KCNIP4: variants seen among roughly 807,000 people sequenced by gnomAD.
KCNIP4 encodes the protein potassium voltage-gated channel interacting protein 4, also known as Kv channel-interacting protein 4.
In KCNIP4, 12 loss-of-function variants were observed where a neutral mutation model predicts 34.0. The observed-to-expected ratio is 0.35, with a 90% CI of 0.23 to 0.57. KCNIP4 has a LOEUF of 0.57. KCNIP4 is among the 20% of genes least tolerant of loss of function. KCNIP4 has a pLI of 0.83. For synonymous variants in KCNIP4, 124 were observed against 102.2 expected (o/e 1.21, Z -1.29); for missense variants, 238 against 311.7 (o/e 0.76, Z 1.78).
chr4:21,076,167 G>T (rs536032667), intron 1 of KCNIP4, among the ~76,000 whole-genome samples: 169 of 152,232 alleles, frequency 1.1e-3, no homozygotes, highest in African/African-American at 3.9e-3. Context: ...TGTATTTCCT[G>T]AATTTGAATG....
intron 1 of KCNIP4, among the ~76,000 whole-genome samples, chr4:20,940,938 T>C (rs1185703564): frequency 1.3e-5 from 2 of 152,198 alleles, no homozygotes; most frequent in African/African-American, 2.4e-5. Flanking sequence ...CTCAACCATT[T>C]AATGCCTGAG....
intron 1 of KCNIP4, among the ~76,000 whole-genome samples, chr4:20,906,051 TCCTCCCTC>T (rs376112934): frequency 6.7e-6 from 1 of 150,220 alleles, no homozygotes; most frequent in Non-Finnish European, 1.5e-5. Context: ...CCCCTTCTCT[TCCTCCCTC>T]CCTCCCTCCC....
intron 1 of KCNIP4, among the ~76,000 whole-genome samples, chr4:20,910,840 G>GTTATGCCCCT (rs1196059812): frequency 6.6e-6 from 1 of 152,122 alleles, no homozygotes; most frequent in Non-Finnish European, 1.5e-5. Context: ...CTCTAGCCCC[G>GTTATGCCCCT]TTATGCCCCT....
At chr4:20,982,344 A>G (rs1736144436) in intron 1 of KCNIP4, among the ~76,000 whole-genome samples, 1 of 152,196 alleles carries the variant, frequency 6.6e-6, no homozygotes, top group South Asian at 2.1e-4. Context: ...TATTCCAATC[A>G]TAGAAATTGA....
intron 1 of KCNIP4, among the ~76,000 whole-genome samples, chr4:21,933,570 T>C (rs1729693611): frequency 6.6e-6 from 1 of 152,122 alleles, no homozygotes; most frequent in Non-Finnish European, 1.5e-5. Context: ...ACTCAGAATG[T>C]ATTTTTCAAG....
chr4:20,826,449 G>A lies in KCNIP4; in HGVS notation c.288+24094C>T, dbSNP rs62410691. Among the ~76,000 whole-genome samples, 1,329 of 151,760 alleles carry A rather than the reference G, an allele frequency of 8.8e-3. 10 individuals are homozygous for A. The highest frequency in any genetic ancestry group is 0.02 in the Middle Eastern group (6 of 294). ...TTTTTCCAAAATTTAGCCAGACATG[G>A]TGGCACACACCTGTAGTCCTAGCTA... On this transcript the variant is annotated intron_variant, in intron 3 of 8. Transcript: ENST00000382152.
rs748193231 is a variant in KCNIP4 at position 21,141,402 on chromosome 4, TA to T, written c.62-258694del. 8.2e-4 allele frequency among the ~76,000 whole-genome samples: 124 copies of T among 151,724 alleles called. No homozygotes were observed. The East Asian group carries it at 0.02, about 24-fold the overall frequency. ...TGTCTTTTCATAACAAGTACTAAGA[TA>T]AAAAAAAACTTATAGACATTCAATA... On this transcript the variant is annotated intron_variant, in intron 1 of 8. Transcript: ENST00000382152.
In KCNIP4 at chr4:21,614,925, G is replaced by A. The variant is rs897740426; in HGVS notation, c.61+333646C>T. On this transcript the variant is annotated intron_variant, in intron 1 of 8. Coordinates refer to ENST00000382152, the MANE Select transcript of KCNIP4 (RefSeq NM_025221.6). Reference sequence around the variant, plus strand: ...TTGGTTTTACTGCACATGTGTCACCGTCTGAAGCCATCCTGCAACTCTCAC... The same window carrying A: ...TTGGTTTTACTGCACATGTGTCACCATCTGAAGCCATCCTGCAACTCTCAC... Among the ~76,000 whole-genome samples the A allele has an allele frequency of 5.9e-5, 9 of 152,198 alleles. No homozygotes were observed. In the South Asian group the frequency reaches 6.2e-4, roughly 11 times the overall value.
chr4:20,969,946 G>GT (rs201808424), intron 1 of KCNIP4, among the ~76,000 whole-genome samples: 31,463 of 144,682 alleles, frequency 0.22, 3,617 homozygotes, highest in Middle Eastern at 0.36. Flanking sequence ...ATTATCAGCA[G>GT]TTTTTTTTTT....
intron 1 of KCNIP4, among the ~76,000 whole-genome samples, chr4:21,296,512 T>C (rs919203147): frequency 4.0e-5 from 6 of 151,414 alleles, no homozygotes; most frequent in African/African-American, 1.5e-4. Flanking sequence ...AAATACCAAC[T>C]ATATTAATCC....
intron 1 of KCNIP4, among the ~76,000 whole-genome samples, chr4:21,449,836 A>G (rs1034803842): frequency 1.6e-4 from 25 of 152,038 alleles, no homozygotes; most frequent in Admixed American, 1.4e-3. Context: ...AATTTTCCTT[A>G]CGTATATCCT....
At chr4:20,823,133 A>C (rs958169398) in intron 3 of KCNIP4, among the ~76,000 whole-genome samples, 10 of 152,290 alleles carry the variant, frequency 6.6e-5, no homozygotes, top group African/African-American at 2.2e-4. Context: ...TATAAACAAT[A>C]GAAATAAATT....
intron 1 of KCNIP4, among the ~76,000 whole-genome samples, chr4:21,415,637 G>C (rs1236685370): frequency 3.9e-5 from 6 of 152,140 alleles, no homozygotes; most frequent in Non-Finnish European, 8.8e-5. Context: ...GGGAGACAGA[G>C]GTTGTAGTGA....
chr4:21,332,990 G>A (rs73802568), intron 1 of KCNIP4, among the ~76,000 whole-genome samples: 2,194 of 151,954 alleles, frequency 0.014, 53 homozygotes, highest in African/African-American at 0.051. Flanking sequence ...TTACCAGCTC[G>A]GAGCCTTTGC....
At chr4:21,215,945 A>T (rs1757545553) in intron 1 of KCNIP4, among the ~76,000 whole-genome samples, 1 of 152,068 alleles carries the variant, frequency 6.6e-6, no homozygotes, top group African/African-American at 2.4e-5. Flanking sequence ...CCTCCCAAGT[A>T]GCTGGGACCA....
At chr4:21,709,662 A>C in intron 1 of KCNIP4, among the ~76,000 whole-genome samples, 1 of 152,344 alleles carries the variant, frequency 6.6e-6, no homozygotes, top group East Asian at 1.9e-4. Context: ...TTAAAAAATA[A>C]CGGTAGTATT....
intron 1 of KCNIP4, among the ~76,000 whole-genome samples, chr4:21,641,790 C>T (rs747357154): frequency 1.2e-4 from 19 of 152,104 alleles, no homozygotes; most frequent in Non-Finnish European, 2.4e-4. Context: ...GTAGCAGGGA[C>T]GTAGGTTATG....
rs1747050625 is a variant in KCNIP4 at position 20,729,178 on chromosome 4, C to T, written c.*904G>A. On this transcript the variant is annotated 3_prime_UTR_variant, in exon 9 of 9. Transcript: ENST00000382152. ...TGTAAGGAAGTCAGGGGAAAGAGGA[C>T]AGATTTGGCCTTTAATGCTGTTAGG... 6.6e-6 allele frequency: 1 copy of T among 151,818 alleles called. No homozygotes were observed. The allele number at this position is 151,818 out of a possible 1,614,324, so 9.4% of individuals were successfully genotyped here.
intron 1 of KCNIP4, among the ~76,000 whole-genome samples, chr4:20,902,708 C>T (rs138196632): frequency 0.032 from 4,849 of 151,936 alleles, 150 homozygotes; most frequent in African/African-American, 0.083. Context: ...TTAGTAGAGA[C>T]GGGGTTTCAC....
Sources: allele counts gnomAD v4.1 joint callset (sites outside exome capture counted in the v4.1 genomes callset), GRCh38; gene constraint gnomAD v4.1.1; transcripts MANE v1.5; gene names NCBI Gene and HGNC (gene_info 2026-07-23, HGNC 2026-07-21).